Variants in SLC38A11 observed in about 807,000 individuals in gnomAD.
SLC38A11 encodes the protein putative sodium-coupled neutral amino acid transporter 11.
In SLC38A11, 51 loss-of-function variants were observed where a neutral mutation model predicts 49.4. That is an observed-to-expected ratio of 1.03 (90% CI 0.83 to 1.30). The LOEUF (loss-of-function observed/expected upper bound fraction) is 1.30, where lower values mean the gene tolerates loss of function less well. SLC38A11 is among the 50% of genes most tolerant of loss of function. The pLI is 0.00. For synonymous variants in SLC38A11, 203 were observed against 192.9 expected (o/e 1.05, Z -0.43); for missense variants, 574 against 556.2 (o/e 1.03, Z -0.32).
intron 11 of SLC38A11, among the ~76,000 whole-genome samples, chr2:164,905,555 T>C (rs1684942922): frequency 6.6e-6 from 1 of 152,160 alleles, no homozygotes; most frequent in Non-Finnish European, 1.5e-5. Flanking sequence ...ACATGGTAAG[T>C]GTCCACACAA....
In SLC38A11 at chr2:164,922,668, TC is replaced by T. The variant is rs11337090; in HGVS notation, c.618-6696del. On this transcript the variant is annotated intron_variant, in intron 7 of 11. Coordinates refer to ENST00000685975, the MANE Select transcript of SLC38A11 (RefSeq NM_001351537.2). The stretch of plus-strand genomic sequence containing the variant: ...AAAAGAACTATACTACCCAAAGCAA[TC>T]TACAGATTCAACACTATTCCTATCC... 8.7e-3 allele frequency among the ~76,000 whole-genome samples: 1,325 copies of T among 152,236 alleles called. 15 individuals carry two copies. The highest frequency in any genetic ancestry group is 0.03 in the African/African-American group (1,254 of 41,532).
chr2:164,955,291 G>A lies in SLC38A11; in HGVS notation c.-44C>T, dbSNP rs1001128409. 3 of 1,539,502 alleles carry A rather than the reference G, an allele frequency of 1.9e-6. No individual in the cohort carries two copies. The highest frequency in any genetic ancestry group is 2.6e-6 in the Non-Finnish European group (3 of 1,137,094). ...AGCAGGTGGAAGATGCTGGGGCTGG[G>A]TACGGATTCGCACCCGGCCAGCCTC... is the stretch of plus-strand genomic sequence containing the variant. On this transcript the variant is annotated 5_prime_UTR_variant, in exon 1 of 12. Transcript: ENST00000685975.
intron 4 of SLC38A11, among the ~76,000 whole-genome samples, chr2:164,945,168 TAAG>T (rs1688018037): frequency 6.6e-6 from 1 of 152,086 alleles, no homozygotes; most frequent in Non-Finnish European, 1.5e-5. Context: ...TTTCATTTTT[TAAG>T]AAGTGCTAGG....
intron 7 of SLC38A11, among the ~76,000 whole-genome samples, chr2:164,927,394 C>CA: frequency 6.6e-6 from 1 of 152,008 alleles, no homozygotes; most frequent in Non-Finnish European, 1.5e-5. Context: ...AGCAGTTTTT[C>CA]AAAAGAGATA....
chr2:164,930,066 G>C (rs1267408785), intron 7 of SLC38A11, among the ~76,000 whole-genome samples: 1 of 151,436 alleles, frequency 6.6e-6, no homozygotes, highest in Non-Finnish European at 1.5e-5. Flanking sequence ...ACGACAAGGG[G>C]AATATTACCA....
At chr2:164,949,466 C>T (rs13003959) in intron 3 of SLC38A11, among the ~76,000 whole-genome samples, 15,145 of 152,130 alleles carry the variant, frequency 0.1, 797 homozygotes, top group Admixed American at 0.13. Context: ...CCCTATTGGC[C>T]AGGCTGGTCT....
intron 11 of SLC38A11, among the ~76,000 whole-genome samples, chr2:164,899,930 A>T (rs965872738): frequency 6.6e-6 from 1 of 151,996 alleles, no homozygotes; most frequent in South Asian, 2.1e-4. Context: ...TCTTTGACCT[A>T]CCTCTCTACA....
chr2:164,939,798 A>T (rs537217471), intron 5 of SLC38A11, among the ~76,000 whole-genome samples: 1 of 152,176 alleles, frequency 6.6e-6, no homozygotes, highest in East Asian at 1.9e-4. Flanking sequence ...TTCACATTGA[A>T]ATTATTTTAC....
intron 11 of SLC38A11, among the ~76,000 whole-genome samples, chr2:164,903,854 G>C (rs548179230): frequency 1.3e-5 from 2 of 152,068 alleles, no homozygotes; most frequent in Non-Finnish European, 2.9e-5. Context: ...CATTTTTATT[G>C]CCAGTACAGA....
chr2:164,935,381 T>A (rs1269978985), intron 7 of SLC38A11, among the ~76,000 whole-genome samples: 1 of 151,574 alleles, frequency 6.6e-6, no homozygotes. Flanking sequence ...TCAAAACCAC[T>A]AATGTAGGCC....
At chr2:164,902,674 T>A (rs1684737259) in intron 11 of SLC38A11, among the ~76,000 whole-genome samples, 1 of 152,106 alleles carries the variant, frequency 6.6e-6, no homozygotes, top group Non-Finnish European at 1.5e-5. Flanking sequence ...AGCTTTAAAA[T>A]AAATATATTC....
intron 5 of SLC38A11, among the ~76,000 whole-genome samples, chr2:164,942,319 G>A (rs1347104282): frequency 6.6e-6 from 1 of 150,598 alleles, no homozygotes; most frequent in South Asian, 2.1e-4. Context: ...CCTGCAATCC[G>A]AGCTACTTGG....
chr2:164,905,100 CATT>C (rs971154234), intron 11 of SLC38A11, among the ~76,000 whole-genome samples: 1 of 150,494 alleles, frequency 6.6e-6, no homozygotes, highest in Non-Finnish European at 1.5e-5. Flanking sequence ...TGGTAGCTCA[CATT>C]ATTATTATTA....
At chr2:164,905,769 T>C (rs183381731) in intron 11 of SLC38A11, among the ~76,000 whole-genome samples, 16 of 152,258 alleles carry the variant, frequency 1.1e-4, no homozygotes, top group African/African-American at 2.4e-4. Context: ...TGTATGTCTA[T>C]ATAATCAGGT....
rs1159889402 is a variant in SLC38A11 at position 164,897,883 on chromosome 2, A to C, written c.*554T>G. ...GCCAGTCTATGATTCAGGATTCCTC[A>C]CATGGAGAGGTCTTTGCTCATTTCT... On this transcript the variant is annotated 3_prime_UTR_variant, in exon 12 of 12. Coordinates refer to ENST00000685975, the MANE Select transcript of SLC38A11 (RefSeq NM_001351537.2). 3 of 152,524 alleles carry C rather than the reference A, an allele frequency of 2.0e-5. No individual in the cohort carries two copies. Among genetic ancestry groups the C allele is most frequent in the African/African-American group, 7.2e-5 (3 of 41,426 alleles). The allele number at this position is 152,524 out of a possible 1,614,324, so 9.4% of individuals were successfully genotyped here.
chr2:164,898,785 G>C (rs1408828797), intron 11 of SLC38A11, 55 bp from the exon 12 acceptor site: 1 of 1,534,548 alleles, frequency 6.5e-7, no homozygotes, highest in Non-Finnish European at 8.8e-7. Flanking sequence ...ACATTCTTCG[G>C]ACAGCTTTTA....
At chr2:164,916,462 C>T (rs1308970495) in intron 7 of SLC38A11, among the ~76,000 whole-genome samples, 1 of 152,100 alleles carries the variant, frequency 6.6e-6, no homozygotes, top group East Asian at 1.9e-4. Context: ...GATGTACTAT[C>T]TTCTAGAAAC....
At chr2:164,947,448 A>G (rs576111501) in intron 3 of SLC38A11, among the ~76,000 whole-genome samples, 6 of 152,002 alleles carry the variant, frequency 3.9e-5, no homozygotes, top group African/African-American at 1.4e-4. Context: ...CTCACCCTTC[A>G]AGATGTACTA....
At chr2:164,944,697 T>C in intron 4 of SLC38A11, 63 bp from the exon 5 acceptor site, 2 of 629,036 alleles carry the variant, frequency 3.2e-6, no homozygotes, top group Non-Finnish European at 4.8e-6. Context: ...CTAAATATTT[T>C]GAAAGCAATC....
Sources: allele counts gnomAD v4.1 joint callset (sites outside exome capture counted in the v4.1 genomes callset), GRCh38; gene constraint gnomAD v4.1.1; transcripts MANE v1.5; gene names NCBI Gene and HGNC (gene_info 2026-07-23, HGNC 2026-07-21).